The following ENTREP2 variants were observed in gnomAD, a reference collection of about 807,000 sequenced individuals.
ENTREP2 encodes the protein protein ENTREP2.
the ENTREP2 span, among the ~76,000 whole-genome samples, chr15:29,251,778 C>T: frequency 5.8e-5 from 7 of 121,400 alleles, no homozygotes; most frequent in Admixed American, 2.8e-4. Context: ...CATCAGCTAT[C>T]GCTAGTTTTA....
At chr15:29,131,709 C>T in the ENTREP2 span, among the ~76,000 whole-genome samples, 8 of 87,670 alleles carry the variant, frequency 9.1e-5, no homozygotes, top group African/African-American at 4.0e-4. Context: ...CAAAGGAGTT[C>T]GTGTCTGTCC....
chr15:29,435,321 A>T, the ENTREP2 span, among the ~76,000 whole-genome samples: 5 of 152,124 alleles, frequency 3.3e-5, no homozygotes, highest in Admixed American at 6.5e-5. Flanking sequence ...TCAAAGGGGA[A>T]GTAATATAAA....
chr15:29,184,672 C>G, the ENTREP2 span, among the ~76,000 whole-genome samples: 5 of 152,246 alleles, frequency 3.3e-5, no homozygotes, highest in East Asian at 9.7e-4. Context: ...GCTGCATAAA[C>G]CAGTTCCCAA....
the ENTREP2 span, among the ~76,000 whole-genome samples, chr15:29,517,823 T>C: frequency 6.6e-6 from 1 of 152,154 alleles, no homozygotes; most frequent in African/African-American, 2.4e-5. Context: ...CAAATAAAAA[T>C]TCCATGTATT....
the ENTREP2 span, among the ~76,000 whole-genome samples, chr15:29,489,218 AC>A: frequency 6.6e-6 from 1 of 152,220 alleles, no homozygotes; most frequent in Admixed American, 6.5e-5. Flanking sequence ...AGCATGGATT[AC>A]CCTGAGATCT....
chr15:29,568,553 T>C, the ENTREP2 span, among the ~76,000 whole-genome samples: 1 of 151,882 alleles, frequency 6.6e-6, no homozygotes, highest in African/African-American at 2.4e-5. Context: ...ATGTTTTTAG[T>C]ATTAGCCAGG....
the ENTREP2 span, among the ~76,000 whole-genome samples, chr15:29,353,286 T>C: frequency 2.6e-5 from 4 of 152,012 alleles, no homozygotes; most frequent in Non-Finnish European, 5.9e-5. Context: ...GAAAAAAAGA[T>C]GGGACTAAGT....
the ENTREP2 span, among the ~76,000 whole-genome samples, chr15:29,274,383 G>A: frequency 6.6e-6 from 1 of 152,192 alleles, no homozygotes; most frequent in African/African-American, 2.4e-5. Flanking sequence ...CAGCCAATCT[G>A]CCTCCAGAGA....
the ENTREP2 span, among the ~76,000 whole-genome samples, chr15:29,470,557 T>C: frequency 6.6e-6 from 1 of 152,194 alleles, no homozygotes; most frequent in Non-Finnish European, 1.5e-5. Context: ...ATCAACCATA[T>C]GGTCTTTTCC....
chr15:29,362,127 C>T, the ENTREP2 span, among the ~76,000 whole-genome samples: 2 of 152,224 alleles, frequency 1.3e-5, no homozygotes, highest in Admixed American at 1.3e-4. Context: ...CCACTCAGTG[C>T]TGTTCCACAG....
the ENTREP2 span, among the ~76,000 whole-genome samples, chr15:29,387,878 C>T: frequency 6.6e-6 from 1 of 152,150 alleles, no homozygotes; most frequent in Non-Finnish European, 1.5e-5. Flanking sequence ...GAAAGGATTC[C>T]CTATTTAAAA....
the ENTREP2 span, among the ~76,000 whole-genome samples, chr15:29,421,052 T>C: frequency 2.6e-5 from 4 of 152,192 alleles, no homozygotes; most frequent in African/African-American, 9.7e-5. Context: ...GAACCCGGGC[T>C]GACAGCTGTG....
the ENTREP2 span, among the ~76,000 whole-genome samples, chr15:29,568,710 C>CAAAAAA: frequency 1.8e-3 from 230 of 128,096 alleles, no homozygotes; most frequent in East Asian, 2.4e-3. Context: ...CCTCTTAAGG[C>CAAAAAA]AAAAAAAAAA....
the ENTREP2 span, chr15:29,151,646 G>A: frequency 9.4e-7 from 1 of 1,065,748 alleles, no homozygotes; most frequent in Non-Finnish European, 1.4e-6. Context: ...AGGGGCCGCT[G>A]TCCTCACAGC....
At chr15:29,314,397 A>G in the ENTREP2 span, among the ~76,000 whole-genome samples, 2 of 152,304 alleles carry the variant, frequency 1.3e-5, no homozygotes, top group African/African-American at 4.8e-5. Flanking sequence ...AGCCACCCCA[A>G]CCTTCAGCAA....
chr15:29,634,600 C>T, the ENTREP2 span, among the ~76,000 whole-genome samples: 4 of 152,168 alleles, frequency 2.6e-5, no homozygotes, highest in African/African-American at 7.2e-5. Flanking sequence ...AATTCAGTTC[C>T]AATACTGTCT....
At chr15:29,386,640 T>C in the ENTREP2 span, among the ~76,000 whole-genome samples, 180 of 152,272 alleles carry the variant, frequency 1.2e-3, no homozygotes, top group South Asian at 5.4e-3. Context: ...TAACCCGCAA[T>C]GTAATGGTAT....
At chr15:29,459,322 TATGAAATCGTTGGTGTGAC>T in the ENTREP2 span, among the ~76,000 whole-genome samples, 1 of 152,158 alleles carries the variant, frequency 6.6e-6, no homozygotes, top group African/African-American at 2.4e-5. Context: ...GTGGCAGCTC[TATGAAATCGTTGGTGTGAC>T]ATTTCCTGGG....
the ENTREP2 span, among the ~76,000 whole-genome samples, chr15:29,320,082 G>A: frequency 1.3e-5 from 2 of 152,150 alleles, no homozygotes; most frequent in African/African-American, 2.4e-5. Context: ...CCCCATGCCC[G>A]TGCAGCCTTC....
Sources: allele counts gnomAD v4.1 joint callset (sites outside exome capture counted in the v4.1 genomes callset), GRCh38; gene constraint gnomAD v4.1.1; transcripts MANE v1.5; gene names NCBI Gene and HGNC (gene_info 2026-07-23, HGNC 2026-07-21).